The following CLOCK variants were observed in gnomAD, a reference collection of about 807,000 sequenced individuals.
CLOCK encodes clock circadian regulator.
Under a neutral mutation model 118.4 loss-of-function variants are expected in CLOCK, and 43 were observed. That is an observed-to-expected ratio of 0.36 (90% CI 0.28 to 0.47). CLOCK has a LOEUF of 0.47. Ranked by LOEUF, CLOCK falls within the 20% of genes least tolerant of loss-of-function variation. The pLI, the probability that CLOCK is intolerant of heterozygous loss-of-function variation, is 1.00. For synonymous variants in CLOCK, 326 were observed against 339.2 expected, an observed-to-expected ratio of 0.96 and a Z score of 0.43; for missense variants, 846 against 999.9, an observed-to-expected ratio of 0.85 and a Z score of 2.08.
At chr4:55,505,344 T>C (rs776320006) in intron 2 of CLOCK, among the ~76,000 whole-genome samples, 2 of 152,026 alleles carry the variant, frequency 1.3e-5, no homozygotes, top group Non-Finnish European at 2.9e-5. Flanking sequence ...TCTAAGTGTA[T>C]TTTTAATGGA....
At chr4:55,482,637 T>C (rs1727010422) in intron 4 of CLOCK, 102 bp downstream of exon 4, 2 of 725,824 alleles carry the variant, frequency 2.8e-6, no homozygotes, top group Non-Finnish European at 2.2e-6. Context: ...GTAATTATGT[T>C]TAGGCATAAA....
intron 1 of CLOCK, among the ~76,000 whole-genome samples, chr4:55,513,179 C>T (rs759176539): frequency 6.6e-6 from 1 of 152,080 alleles, no homozygotes; most frequent in Non-Finnish European, 1.5e-5. Context: ...ATAAAGTATA[C>T]CATCATCTTT....
At position 55,459,409 on chromosome 4, in the gene CLOCK, G is replaced by C; in HGVS notation, c.560-148C>G. On this transcript the variant is annotated intron_variant, in intron 9 of 22. Coordinates refer to ENST00000513440, the MANE Select transcript of CLOCK (RefSeq NM_004898.4). Reference sequence around the variant, plus strand: ...CGTCAATGACATTTAGTTCATAAAAGTAGAGCACCTTCAGGAGAGGATCTC... The same window carrying C: ...CGTCAATGACATTTAGTTCATAAAACTAGAGCACCTTCAGGAGAGGATCTC... The C allele has an allele frequency of 4.7e-6, 3 of 638,778 alleles. No homozygotes were observed. In the South Asian group the frequency reaches 5.7e-5, roughly 12 times the overall value. 39.6% of individuals were successfully genotyped at this position (638,778 alleles called of 1,614,324 possible).
chr4:55,484,327 A>T (rs1220256780), intron 3 of CLOCK, among the ~76,000 whole-genome samples: 1 of 152,106 alleles, frequency 6.6e-6, no homozygotes, highest in East Asian at 1.9e-4. Flanking sequence ...AGTAGCTGGG[A>T]TTACAGGTGC....
intron 6 of CLOCK, among the ~76,000 whole-genome samples, chr4:55,478,112 A>G (rs1472408821): frequency 6.7e-6 from 1 of 149,640 alleles, no homozygotes; most frequent in Non-Finnish European, 1.5e-5. Context: ...TTTCATTTGC[A>G]TTTGAAAAAG....
At chr4:55,487,389 A>G (rs1420666490) in intron 3 of CLOCK, among the ~76,000 whole-genome samples, 1 of 152,182 alleles carries the variant, frequency 6.6e-6, no homozygotes, top group African/African-American at 2.4e-5. Flanking sequence ...TCAGGTTGAA[A>G]TATTTCTTTG....
intron 1 of CLOCK, among the ~76,000 whole-genome samples, chr4:55,544,696 T>G (rs1261157806): frequency 6.6e-6 from 1 of 152,206 alleles, no homozygotes; most frequent in Admixed American, 6.5e-5. Context: ...GATTTTTGTT[T>G]AATCCAGTTT....
intron 1 of CLOCK, among the ~76,000 whole-genome samples, chr4:55,513,969 T>C (rs999343821): frequency 9.2e-5 from 14 of 152,172 alleles, no homozygotes; most frequent in African/African-American, 2.7e-4. Flanking sequence ...CATATTAACC[T>C]TGTATCCTGC....
intron 1 of CLOCK, among the ~76,000 whole-genome samples, chr4:55,521,609 C>T (rs760613272): frequency 3.3e-5 from 5 of 152,228 alleles, no homozygotes; most frequent in African/African-American, 9.6e-5. Context: ...TTATACCATA[C>T]CACGGTGGTA....
chr4:55,516,287 A>G (rs1290183627), intron 1 of CLOCK, among the ~76,000 whole-genome samples: 1 of 152,194 alleles, frequency 6.6e-6, no homozygotes, highest in African/African-American at 2.4e-5. Context: ...TCCATTTCTG[A>G]TAATGGGGTA....
Position 55,516,326 on chromosome 4 carries a change from ATC to A in CLOCK, c.-289-6263_-289-6262del, listed in dbSNP as rs148770523. On this transcript the variant is annotated intron_variant, in intron 1 of 22. Transcript: ENST00000513440. ...AAGTCTCCATTATAAGAGCAGATTA[ATC>A]TGTTTCTCCTTGCAGTTCTGTTTTT... Among the ~76,000 whole-genome samples the A allele has an allele frequency of 5.2e-3, 788 of 152,302 alleles. 3 individuals carry two copies. Among genetic ancestry groups the A allele is most frequent in the Admixed American group, 6.5e-3 (99 of 15,304 alleles).
chr4:55,452,926 TA>T, intron 15 of CLOCK, 127 bp downstream of exon 15: 1 of 699,084 alleles, frequency 1.4e-6, no homozygotes, highest in Non-Finnish European at 2.4e-6. Flanking sequence ...TAGTAAAGTA[TA>T]ATCACATCCC....
chr4:55,448,589 C>T (rs576584546), intron 18 of CLOCK, among the ~76,000 whole-genome samples, 190 bp downstream of exon 18: 27 of 79,808 alleles, frequency 3.4e-4, no homozygotes, highest in Admixed American at 1.9e-3. Context: ...TATGTGCGCG[C>T]GCGCACGCGC....
chr4:55,535,534 C>T (rs1452677949), intron 1 of CLOCK, among the ~76,000 whole-genome samples: 1 of 151,968 alleles, frequency 6.6e-6, no homozygotes, highest in Non-Finnish European at 1.5e-5. Context: ...AAGTCACATC[C>T]TATCTCTGCA....
chr4:55,479,159 C>T, intron 5 of CLOCK, 196 bp from the exon 6 acceptor site: 2 of 463,234 alleles, frequency 4.3e-6, no homozygotes, highest in South Asian at 7.2e-5. Flanking sequence ...GAAAATTTTA[C>T]AAATCATACA....
At chr4:55,484,908 C>T (rs909082711) in intron 3 of CLOCK, among the ~76,000 whole-genome samples, 1 of 152,080 alleles carries the variant, frequency 6.6e-6, no homozygotes, top group African/African-American at 2.4e-5. Flanking sequence ...TTGTTGTTAA[C>T]AATATTCTTC....
chr4:55,506,128 A>T lies in CLOCK; in HGVS notation c.-136+3784T>A, dbSNP rs149785011. Among the ~76,000 whole-genome samples, 1,434 of 152,274 alleles carry T rather than the reference A, an allele frequency of 9.4e-3. 25 individuals carry two copies. The highest frequency in any genetic ancestry group is 0.033 in the African/African-American group (1,369 of 41,556). ...AGACTTTTTCCCTCTTCCAATACTG[A>T]ATCCAATCCAGGGTCATGTACTGCA... On this transcript the variant is annotated intron_variant, in intron 2 of 22. Coordinates refer to ENST00000513440, the MANE Select transcript of CLOCK (RefSeq NM_004898.4).
At position 55,432,679 on chromosome 4, in the gene CLOCK, C is replaced by T. The variant is rs759810491; in HGVS notation, c.*2736G>A. ...AAATTTAAGAGAATCAGGAGGAAAA[C>T]AAAGCAGCAAAGAGGCAGCTGGTGC... On this transcript the variant is annotated 3_prime_UTR_variant, in exon 23 of 23. Transcript: ENST00000513440. 1.3e-5 allele frequency: 2 copies of T among 151,896 alleles called. No homozygotes were observed. Among genetic ancestry groups the T allele is most frequent in the Admixed American group, 1.3e-4 (2 of 15,244 alleles). The allele number at this position is 151,896 out of a possible 1,614,324, so 9.4% of individuals were successfully genotyped here.
chr4:55,473,814 A>G (rs928733956), intron 7 of CLOCK, among the ~76,000 whole-genome samples: 2 of 151,974 alleles, frequency 1.3e-5, no homozygotes, highest in Non-Finnish European at 2.9e-5. Flanking sequence ...CATTATTATT[A>G]TATCTGTAAT....
Sources: allele counts gnomAD v4.1 joint callset (sites outside exome capture counted in the v4.1 genomes callset), GRCh38; gene constraint gnomAD v4.1.1; transcripts MANE v1.5; gene names NCBI Gene and HGNC (gene_info 2026-07-23, HGNC 2026-07-21).